TBC1D10B: variants seen among roughly 807,000 people sequenced by gnomAD.
TBC1D10B encodes Rab27A-GAPbeta.
TBC1D10B carries 25 observed loss-of-function variants against 78.4 expected under a neutral mutation model. The ratio of observed to expected loss-of-function variants is 0.32; its 90% CI spans 0.23 to 0.45. The LOEUF (loss-of-function observed/expected upper bound fraction) is 0.45, where lower values mean the gene tolerates loss of function less well. TBC1D10B is among the 20% of genes least tolerant of loss of function. The pLI is 1.00. For synonymous variants in TBC1D10B, 517 were observed against 478.0 expected (o/e 1.08, Z -1.06); for missense variants, 996 against 1,104.8 (o/e 0.90, Z 1.40).
intron 4 of TBC1D10B, among the ~76,000 whole-genome samples, chr16:30,362,760 G>A (rs1039916724): frequency 3.3e-5 from 5 of 152,148 alleles, no homozygotes; most frequent in Admixed American, 2.6e-4. Context: ...GTTCCCTGCC[G>A]GGCATGGAGA....
At chr16:30,367,879 C>T (rs1020607241) in intron 1 of TBC1D10B, 1 of 152,126 alleles carries the variant, frequency 6.6e-6, no homozygotes, top group African/African-American at 2.4e-5. Context: ...CTTACAGGGA[C>T]AAAGCTACAA....
Position 30,358,144 on chromosome 16 carries a change from CCCGCTCCTTCTCCTGTTTCTG to C in TBC1D10B, c.2206_2226del (p.Gln736_Arg742del), listed in dbSNP as rs748942730. The C allele has an allele frequency of 6.5e-4, 1,004 of 1,551,104 alleles. No individual in the cohort carries two copies. The highest frequency in any genetic ancestry group is 1.3e-3 in the South Asian group (105 of 83,976). On this transcript the variant is annotated inframe_deletion, in exon 9 of 9. Coordinates refer to ENST00000409939, the MANE Select transcript of TBC1D10B (RefSeq NM_015527.4). ...TTCTCCTGCTTCTGCCGCTCCTTCT[CCCGCTCCTTCTCCTGTTTCTG>C]CCGCTCCTTCTCCTGTTTCTGCCGC...
Position 30,370,333 on chromosome 16 carries a change from G to A in TBC1D10B, c.-150C>T, listed in dbSNP as rs1339608814. On this transcript the variant is annotated 5_prime_UTR_variant, in exon 1 of 9. Transcript: ENST00000409939. Reference sequence around the variant, plus strand: ...GGGCGGAGCGGCCGCTGGGCGCGCAGAGGCGGGGCAGGGGTCGGGGGGCGC... The same window carrying A: ...GGGCGGAGCGGCCGCTGGGCGCGCAAAGGCGGGGCAGGGGTCGGGGGGCGC... The A allele has an allele frequency of 8.2e-6, 2 of 243,368 alleles. No individual in the cohort carries two copies. The highest frequency in any genetic ancestry group is 7.0e-6 in the Non-Finnish European group (1 of 143,128). The allele number at this position is 243,368 out of a possible 1,614,324, so 15.1% of individuals were successfully genotyped here. A position where few individuals can be genotyped will look rare whatever the true frequency, so the allele number is the denominator to read the frequency against.
rs570394259 is a variant in TBC1D10B, at chr16:30,369,935, A to AGCCGGGGCTGGG, written c.237_248dup (p.Pro80_Ala83dup). 4.2e-5 allele frequency: 55 copies of AGCCGGGGCTGGG among 1,296,980 alleles called. No individual in the cohort carries two copies. The highest frequency in any genetic ancestry group is 4.7e-4 in the Middle Eastern group (2 of 4,298). The allele number at this position is 1,296,980 out of a possible 1,614,324, so 80.3% of individuals were successfully genotyped here. A position where few individuals can be genotyped will look rare whatever the true frequency, so the allele number is the denominator to read the frequency against. ...GCACCACCACCGTGCTGCCCGTGAC[A>AGCCGGGGCTGGG]GCCGGGGCTGGGGCCGGGGCTGGGG... is the stretch of plus-strand genomic sequence containing the variant. On this transcript the variant is annotated inframe_insertion, in exon 1 of 9. Transcript: ENST00000409939. This position sits in a 1 kb window ranked among gnomAD's most constrained non-coding sequence, Gnocchi z 4.3.
In TBC1D10B at chr16:30,369,015, G is replaced by C. The variant is rs956513982; in HGVS notation, c.956+213C>G. Among the ~76,000 whole-genome samples the C allele has an allele frequency of 2.0e-5, 3 of 152,240 alleles. No individual in the cohort carries two copies. Among genetic ancestry groups the C allele is most frequent in the African/African-American group, 4.8e-5 (2 of 41,454 alleles). On this transcript the variant is annotated intron_variant, in intron 1 of 8. Transcript: ENST00000409939. The surrounding 1 kb of genome is among the most constrained non-coding windows in gnomAD (Gnocchi z 4.3). ...CCATCAAAGGCAAGGCTTAAACCCA[G>C]ACCTCTTGACCCCTGGTCTGAAACT...
intron 1 of TBC1D10B, chr16:30,367,520 A>G (rs977227730): frequency 6.6e-6 from 1 of 152,258 alleles, no homozygotes; most frequent in Non-Finnish European, 1.5e-5. Flanking sequence ...GACACATCTA[A>G]TTGGAGTGGG....
In TBC1D10B at chr16:30,365,591, C is replaced by G. The variant is rs771346471; in HGVS notation, c.960G>C (p.Glu320Asp). The change falls in exon 2 of 9, where the codon GAG (glutamate) becomes GAC (aspartate). Residue 320 changes from glutamate (E) to aspartate (D), a missense_variant. Coordinates refer to ENST00000409939, the MANE Select transcript of TBC1D10B (RefSeq NM_015527.4). This position sits in a 1 kb window ranked among gnomAD's most constrained non-coding sequence, Gnocchi z 5.0. ...GAGCCACGTCCACGGGAATGGAGCT[C>G]TCTCTGCAGGGTCGGGGGAGCACGG... ...LGGSQYSGSLESSIPVDVARQ... is the reference protein window; with the variant it reads ...LGGSQYSGSLDSSIPVDVARQ... 1 of 1,613,816 alleles carries G rather than the reference C, an allele frequency of 6.2e-7. No homozygotes were observed. Among genetic ancestry groups the G allele is most frequent in the Non-Finnish European group, 8.5e-7 (1 of 1,179,894 alleles).
intron 4 of TBC1D10B, among the ~76,000 whole-genome samples, chr16:30,363,372 T>C (rs2049611826): frequency 6.6e-6 from 1 of 152,216 alleles, no homozygotes; most frequent in Non-Finnish European, 1.5e-5. Context: ...CTCAGCATGG[T>C]AGCCAGAATG....
rs2049575489 is a variant in TBC1D10B at position 30,358,507 on chromosome 16, G to A, written c.1864C>T (p.Arg622Trp). Residue 622 changes from arginine (R) to tryptophan (W), a missense_variant, in exon 9 of 9, where the codon CGG becomes TGG. Arg to Trp is a moderately radical substitution (Grantham distance 101). This residue lies in a region of TBC1D10B where 168 missense variants were observed against 238.7 expected (regional missense o/e 0.70). Coordinates refer to ENST00000409939, the MANE Select transcript of TBC1D10B (RefSeq NM_015527.4). Reference protein sequence around the residue: ...RENAAQLKKWRETRGELQYRP... With the variant: ...RENAAQLKKWWETRGELQYRP... The stretch of plus-strand genomic sequence containing the variant: ...TACTGCAGCTCCCCCCGCGTTTCCC[G>A]CCACTTCTTGAGCTGGGCTGCATTC... 4.4e-6 allele frequency: 7 copies of A among 1,608,486 alleles called. No homozygotes were observed. The highest frequency in any genetic ancestry group is 2.2e-5 in the South Asian group (2 of 90,256).
Position 30,365,234 on chromosome 16 carries a change from G to A in TBC1D10B, c.1057-22C>T, listed in dbSNP as rs1469328946. On this transcript the variant is annotated intron_variant, in intron 2 of 8. Coordinates refer to ENST00000409939, the MANE Select transcript of TBC1D10B (RefSeq NM_015527.4). The surrounding 1 kb of genome is among the most constrained non-coding windows in gnomAD (Gnocchi z 5.0). ...TCACCTAAGGCAAAGTGGCAGGAGGGGGACAGCTTCAAGGGCTGGCACAGC... is the reference window on the plus strand; with the variant it reads ...TCACCTAAGGCAAAGTGGCAGGAGGAGGACAGCTTCAAGGGCTGGCACAGC... 1.9e-6 allele frequency: 3 copies of A among 1,607,130 alleles called. No individual in the cohort carries two copies. The highest frequency in any genetic ancestry group is 2.6e-6 in the Non-Finnish European group (3 of 1,174,098).
chr16:30,364,228 G>T (rs1228816340), intron 4 of TBC1D10B, among the ~76,000 whole-genome samples: 1 of 152,090 alleles, frequency 6.6e-6, no homozygotes, highest in Admixed American at 6.6e-5. Context: ...ATCACTTGAG[G>T]TTGGGAGTTC....
chr16:30,358,669 C>A lies in TBC1D10B; in HGVS notation c.1791G>T (p.Val597=). ...PQQCMQEDFL[V]HEVTNLPVTE... The stretch of plus-strand genomic sequence containing the variant: ...GTTGAGGGCACAGGCCTACCTCATG[C>A]ACCAGGAAGTCTTCCTGCATGCACT... Residue 597 remains valine, a synonymous_variant, in exon 8 of 9, where the codon GTG becomes GTT. Coordinates refer to ENST00000409939, the MANE Select transcript of TBC1D10B (RefSeq NM_015527.4). 6.2e-7 allele frequency: 1 copy of A among 1,604,718 alleles called. No individual in the cohort carries two copies. Among genetic ancestry groups the A allele is most frequent in the Non-Finnish European group, 8.5e-7 (1 of 1,173,368 alleles).
At position 30,357,809 on chromosome 16, in the gene TBC1D10B, G is replaced by A. The variant is rs866314820; in HGVS notation, c.*135C>T. The A allele has an allele frequency of 2.4e-5, 30 of 1,225,326 alleles. No homozygotes were observed. In the Middle Eastern group the frequency reaches 1.4e-3, roughly 57 times the overall value. 75.9% of individuals were successfully genotyped at this position (1,225,326 alleles called of 1,614,324 possible). On this transcript the variant is annotated 3_prime_UTR_variant, in exon 9 of 9. Transcript: ENST00000409939. The stretch of plus-strand genomic sequence containing the variant: ...GCCCGTGTAGGGATCAGCAGCTGGC[G>A]AGGAGATGGGGAACCAAGCCACTTT...
chr16:30,365,580 G>T lies in TBC1D10B; in HGVS notation c.971C>A (p.Pro324His), dbSNP rs1235062183. 1 of 1,613,986 alleles carries T rather than the reference G, an allele frequency of 6.2e-7. No individual in the cohort carries two copies. The highest frequency in any genetic ancestry group is 8.5e-7 in the Non-Finnish European group (1 of 1,179,890). Residue 324 changes from proline to histidine, a missense_variant, in exon 2 of 9, where the codon CCC becomes CAC. Physicochemically the swap from Pro to His is moderately conservative, Grantham distance 77. Coordinates refer to ENST00000409939, the MANE Select transcript of TBC1D10B (RefSeq NM_015527.4). This position sits in a 1 kb window ranked among gnomAD's most constrained non-coding sequence, Gnocchi z 5.0. ...QYSGSLESSI[P>H]VDVARQRELK... ...CTCCCGCTGCCGAGCCACGTCCACG[G>T]GAATGGAGCTCTCTCTGCAGGGTCG...
chr16:30,360,773 C>G (rs1178845339), intron 4 of TBC1D10B, among the ~76,000 whole-genome samples: 4 of 152,150 alleles, frequency 2.6e-5, no homozygotes, highest in African/African-American at 9.7e-5. Flanking sequence ...CATCACCCAC[C>G]TGCCTGCTTC....
At position 30,358,233 on chromosome 16, in the gene TBC1D10B, G is replaced by T. The variant is rs906798469; in HGVS notation, c.2138C>A (p.Thr713Asn). The T allele has an allele frequency of 1.9e-6, 3 of 1,557,118 alleles. No individual in the cohort carries two copies. Among genetic ancestry groups the T allele is most frequent in the Non-Finnish European group, 1.7e-6 (2 of 1,149,996 alleles). Residue 713 changes from threonine to asparagine, a missense_variant, in exon 9 of 9, where the codon ACC becomes AAC. This residue lies in a region of TBC1D10B where 285 missense variants were observed against 252.5 expected (regional missense o/e 1.13). Transcript: ENST00000409939. Reference protein sequence around the residue: ...PSLPSPTGNSTPLGSSKETRK... With the variant: ...PSLPSPTGNSNPLGSSKETRK... ...GGTCTCCTTGCTGGAACCCAAGGGG[G>T]TGCTATTGCCAGTGGGTGAGGGAAG...
chr16:30,361,248 A>C (rs1240111846), intron 4 of TBC1D10B, among the ~76,000 whole-genome samples: 1 of 152,098 alleles, frequency 6.6e-6, no homozygotes, highest in East Asian at 1.9e-4. Flanking sequence ...AGCCAAGATC[A>C]CACCACTGCA....
intron 1 of TBC1D10B, among the ~76,000 whole-genome samples, chr16:30,368,210 T>TC (rs1415805118): frequency 1.3e-5 from 2 of 152,004 alleles, no homozygotes; most frequent in African/African-American, 4.8e-5. Flanking sequence ...CCACAGGGCT[T>TC]CCCCCGATCC....
chr16:30,359,731 G>A lies in TBC1D10B; in HGVS notation c.1382C>T (p.Ala461Val), dbSNP rs575661025. The change falls in exon 5 of 9, where the codon GCG becomes GTG. Residue 461 changes from alanine (A) to valine (V), a missense_variant. Ala to Val is a moderately conservative substitution (Grantham distance 64). Coordinates refer to ENST00000409939, the MANE Select transcript of TBC1D10B (RefSeq NM_015527.4). Reference protein sequence around the residue: ...VAAVLLMHMPAEQAFWCLVQI... With the variant: ...VAAVLLMHMPVEQAFWCLVQI... ...GCCCAGGACCAGGGCGCTGACCTCC[G>A]CAGGCATGTGCATGAGCAGGACCGC... is the stretch of plus-strand genomic sequence containing the variant. 26 of 1,579,772 alleles carry A rather than the reference G, an allele frequency of 1.6e-5. No individual in the cohort carries two copies. In the South Asian group the frequency reaches 1.7e-4, roughly 11 times the overall value.
Sources: allele counts gnomAD v4.1 joint callset (sites outside exome capture counted in the v4.1 genomes callset), GRCh38; gene constraint gnomAD v4.1.1; regional missense constraint gnomAD v4.1.1; non-coding constraint Gnocchi (gnomAD v3.1); transcripts MANE v1.5; gene names NCBI Gene and HGNC (gene_info 2026-07-23, HGNC 2026-07-21).